The following GALNT1 variants were observed in gnomAD, a reference collection of about 807,000 sequenced individuals.
GALNT1 encodes GalNAc transferase 1.
GALNT1 carries 17 observed loss-of-function variants against 65.7 expected under a neutral mutation model. The ratio of observed to expected loss-of-function variants is 0.26; its 90% CI spans 0.18 to 0.39. The LOEUF is 0.39. Among genes scored for constraint, GALNT1 ranks in the 10% least tolerant of loss-of-function variants. GALNT1 has a pLI of 1.00. For synonymous variants in GALNT1, 210 were observed against 219.7 expected, an observed-to-expected ratio of 0.96 and a Z score of 0.39; for missense variants, 460 against 672.8, an observed-to-expected ratio of 0.68 and a Z score of 3.50.
chr18:35,595,443 G>A (rs1264695127), intron 1 of GALNT1, among the ~76,000 whole-genome samples: 1 of 152,076 alleles, frequency 6.6e-6, no homozygotes, highest in Non-Finnish European at 1.5e-5. Flanking sequence ...AGGGATGACT[G>A]ACTTGAAAAA....
At chr18:35,629,816 C>T (rs906305721) in intron 1 of GALNT1, among the ~76,000 whole-genome samples, 1 of 152,164 alleles carries the variant, frequency 6.6e-6, no homozygotes, top group South Asian at 2.1e-4. Flanking sequence ...GGAAACCCAT[C>T]TCGTGCAGAG....
At chr18:35,703,176 A>G (rs149457079) in intron 10 of GALNT1, among the ~76,000 whole-genome samples, 181 bp downstream of exon 10, 1,959 of 152,124 alleles carry the variant, frequency 0.013, 39 homozygotes, top group African/African-American at 0.042. Context: ...AACATTTGTG[A>G]AAGGCCCATT....
intron 9 of GALNT1, among the ~76,000 whole-genome samples, chr18:35,695,632 G>C (rs543258018): frequency 1.6e-4 from 25 of 152,290 alleles, no homozygotes; most frequent in African/African-American, 6.0e-4. Flanking sequence ...TATCCTAACA[G>C]TTACTAAGGC....
At chr18:35,598,019 CTCCAA>C (rs1453870354) in intron 1 of GALNT1, among the ~76,000 whole-genome samples, 2,271 of 54,016 alleles carry the variant, frequency 0.042, 577 homozygotes, top group African/African-American at 0.048. Flanking sequence ...CTCCCCTCCC[CTCCAA>C]TCCCCTCCCA....
chr18:35,634,039 A>C (rs1232279412), intron 1 of GALNT1, among the ~76,000 whole-genome samples: 1 of 152,180 alleles, frequency 6.6e-6, no homozygotes, highest in Non-Finnish European at 1.5e-5. Flanking sequence ...TGACCATTTG[A>C]GTTCTTGTTG....
intron 1 of GALNT1, among the ~76,000 whole-genome samples, chr18:35,582,448 A>G (rs1409149527): frequency 1.3e-5 from 2 of 152,216 alleles, no homozygotes; most frequent in African/African-American, 4.8e-5. Flanking sequence ...TTTACCAGGA[A>G]TTGGGATGAT....
chr18:35,636,006 GT>G (rs1372341155), intron 1 of GALNT1, among the ~76,000 whole-genome samples: 1 of 151,708 alleles, frequency 6.6e-6, no homozygotes, highest in African/African-American at 2.4e-5. Context: ...ATCAGCCATA[GT>G]TTTTTTTAAA....
chr18:35,679,077 G>A (rs1418137519), intron 4 of GALNT1, among the ~76,000 whole-genome samples: 1 of 152,138 alleles, frequency 6.6e-6, no homozygotes, highest in African/African-American at 2.4e-5. Flanking sequence ...GAAGGAATGA[G>A]AGCAGTTAAG....
At chr18:35,597,355 TCTC>T (rs1319478892) in intron 1 of GALNT1, 1 of 152,204 alleles carries the variant, frequency 6.6e-6, no homozygotes, top group Non-Finnish European at 1.5e-5. Context: ...GGCAGGTAAT[TCTC>T]CAACAGGAAA....
chr18:35,616,976 G>T (rs936349140), intron 1 of GALNT1, among the ~76,000 whole-genome samples: 1 of 152,076 alleles, frequency 6.6e-6, no homozygotes, highest in Non-Finnish European at 1.5e-5. Context: ...CATAGATCCT[G>T]ACTCATTTAT....
intron 1 of GALNT1, among the ~76,000 whole-genome samples, chr18:35,648,042 A>AAGG (rs1367504507): frequency 6.7e-6 from 1 of 149,534 alleles, no homozygotes; most frequent in Non-Finnish European, 1.5e-5. Flanking sequence ...GAAGAAGAAG[A>AAGG]AGAAGAAGGA....
rs759473807 is a variant in GALNT1, at chr18:35,687,037, C to T, written c.711C>T (p.Ile237=). ...KHDRRTVVCP[I]IDVISDDTFE... is the part of the protein sequence containing the mutation. Reference sequence around the variant, plus strand: ...TCAGGAGAACAGTGGTGTGTCCCATCATCGATGTGATCAGTGATGATACTT... The same window carrying T: ...TCAGGAGAACAGTGGTGTGTCCCATTATCGATGTGATCAGTGATGATACTT... The change falls in exon 6 of 12, where the codon ATC becomes ATT. Residue 237 remains isoleucine, a synonymous_variant. Transcript: ENST00000269195. 1.9e-5 allele frequency: 30 copies of T among 1,612,896 alleles called. No individual in the cohort carries two copies. The highest frequency in any genetic ancestry group is 2.7e-5 in the African/African-American group (2 of 74,862).
At chr18:35,611,762 A>T (rs1157625968) in intron 1 of GALNT1, among the ~76,000 whole-genome samples, 1 of 152,206 alleles carries the variant, frequency 6.6e-6, no homozygotes, top group Non-Finnish European at 1.5e-5. Flanking sequence ...CCACCAGCTA[A>T]TGGTAATACG....
intron 1 of GALNT1, among the ~76,000 whole-genome samples, chr18:35,595,194 CAAA>C (rs34401728): frequency 6.6e-6 from 1 of 151,802 alleles, no homozygotes; most frequent in African/African-American, 2.4e-5. Flanking sequence ...TAATATATAA[CAAA>C]AAAGTAATGT....
chr18:35,637,446 A>G (rs760357579), intron 1 of GALNT1, among the ~76,000 whole-genome samples: 5 of 152,234 alleles, frequency 3.3e-5, no homozygotes, highest in Admixed American at 6.5e-5. Context: ...AGTAGTCTGC[A>G]TAGATCAAAC....
At chr18:35,596,145 C>T (rs756681622) in intron 1 of GALNT1, 1 of 152,110 alleles carries the variant, frequency 6.6e-6, no homozygotes, top group Non-Finnish European at 1.5e-5. Context: ...CACAAAGAGG[C>T]TTTCACAGTC....
chr18:35,649,569 G>T (rs2047282724), intron 1 of GALNT1, among the ~76,000 whole-genome samples: 1 of 152,012 alleles, frequency 6.6e-6, no homozygotes, highest in Non-Finnish European at 1.5e-5. Context: ...AGTATAAACA[G>T]ATATTTTCTT....
chr18:35,704,702 T>C (rs1329865086), intron 11 of GALNT1, among the ~76,000 whole-genome samples: 1 of 152,002 alleles, frequency 6.6e-6, no homozygotes, highest in Non-Finnish European at 1.5e-5. Context: ...TGGAGTGCAG[T>C]GGTGCAATCT....
At chr18:35,589,815 A>G (rs2046422296) in intron 1 of GALNT1, among the ~76,000 whole-genome samples, 1 of 152,234 alleles carries the variant, frequency 6.6e-6, no homozygotes, top group Non-Finnish European at 1.5e-5. Context: ...TTTTCCTAAT[A>G]TGTGTAAAAT....
Sources: allele counts gnomAD v4.1 joint callset (sites outside exome capture counted in the v4.1 genomes callset), GRCh38; gene constraint gnomAD v4.1.1; transcripts MANE v1.5; gene names NCBI Gene and HGNC (gene_info 2026-07-23, HGNC 2026-07-21).